The following PEX14 variants were observed in gnomAD, a reference collection of about 807,000 sequenced individuals.
The protein encoded by PEX14 is peroxisomal membrane protein PEX14.
Under a neutral mutation model 49.5 loss-of-function variants are expected in PEX14, and 15 were observed. That is an observed-to-expected ratio of 0.30 (90% CI 0.20 to 0.47). PEX14 has a LOEUF of 0.47. PEX14 is among the 20% of genes least tolerant of loss of function. The pLI, the probability that PEX14 is intolerant of heterozygous loss-of-function variation, is 1.00. For missense variants in PEX14, 398 were observed against 494.8 expected (o/e 0.80, Z 1.86); for synonymous variants, 210 against 212.7 (o/e 0.99, Z 0.11).
Position 10,623,111 on chromosome 1 carries a change from G to A in PEX14, c.477G>A (p.Val159=), listed in dbSNP as rs1641643100. The A allele has an allele frequency of 1.2e-6, 2 of 1,611,398 alleles. No homozygotes were observed. Among genetic ancestry groups the A allele is most frequent in the Non-Finnish European group, 1.7e-6 (2 of 1,178,006 alleles). The change falls in exon 6 of 9, where the codon GTG becomes GTA. Residue 159 remains valine (V), a synonymous_variant. Transcript: ENST00000356607. This position sits in a 1 kb window ranked among gnomAD's most constrained non-coding sequence, Gnocchi z 4.4. ...EAGLSELSGS[V]AQTVTQLQTT... ...GTCTCTCTGAGCTGAGTGGCAGCGT[G>A]GCCCAGACAGGTAAAGATTAATGAC... is the stretch of plus-strand genomic sequence containing the variant.
intron 1 of PEX14, among the ~76,000 whole-genome samples, chr1:10,480,387 C>CTTTTTT (rs34544712): frequency 1.1e-4 from 10 of 87,286 alleles, no homozygotes; most frequent in South Asian, 4.1e-4. Flanking sequence ...GCCTGGCTAA[C>CTTTTTT]TTTTTTTTTT....
intron 3 of PEX14, among the ~76,000 whole-genome samples, chr1:10,552,829 C>T (rs1639374314): frequency 6.6e-6 from 1 of 152,108 alleles, no homozygotes; most frequent in Non-Finnish European, 1.5e-5. Context: ...AAAGGTGCCT[C>T]CATTCATGGA....
chr1:10,618,249 G>A (rs1408407122), intron 4 of PEX14, 83 bp from the exon 5 acceptor site: 1 of 994,598 alleles, frequency 1.0e-6, no homozygotes, highest in East Asian at 2.4e-5. Context: ...AGGAGACTGT[G>A]CCACTGAGGC....
At chr1:10,551,330 CAAATT>C (rs1048222879) in intron 3 of PEX14, among the ~76,000 whole-genome samples, 1 of 152,126 alleles carries the variant, frequency 6.6e-6, no homozygotes, top group African/African-American at 2.4e-5. Flanking sequence ...TAATGTTAAA[CAAATT>C]AAATCGACTT....
intron 1 of PEX14, among the ~76,000 whole-genome samples, chr1:10,482,462 GT>G (rs1248534072): frequency 6.9e-6 from 1 of 144,012 alleles, no homozygotes; most frequent in Non-Finnish European, 1.5e-5. Flanking sequence ...TTGAAATGGA[GT>G]CTCGCTCTGT....
intron 3 of PEX14, among the ~76,000 whole-genome samples, chr1:10,577,578 T>A (rs1324110931): frequency 0.071 from 964 of 13,528 alleles, 90 homozygotes; most frequent in Non-Finnish European, 0.09. Context: ...TTTTTTTTTT[T>A]TTTTTTTTTT....
chr1:10,499,646 A>T (rs1378016639), intron 2 of PEX14, among the ~76,000 whole-genome samples: 1 of 151,774 alleles, frequency 6.6e-6, no homozygotes, highest in Non-Finnish European at 1.5e-5. Context: ...ACAGGGTTTC[A>T]CCATGTTGGC....
At chr1:10,489,044 G>A (rs760013933) in intron 1 of PEX14, among the ~76,000 whole-genome samples, 1 of 152,010 alleles carries the variant, frequency 6.6e-6, no homozygotes, top group Non-Finnish European at 1.5e-5. Flanking sequence ...GCAATGGCGC[G>A]ATCTCGGCTC....
rs79366877 is a variant in PEX14, at chr1:10,610,855, C to T, written c.299-7477C>T. ...CATATCTCTGTCACATGTTTTCCTTCTCACCTTTTTCTCTTCTCCCTTCAT... is the reference window on the plus strand; with the variant it reads ...CATATCTCTGTCACATGTTTTCCTTTTCACCTTTTTCTCTTCTCCCTTCAT... On this transcript the variant is annotated intron_variant, in intron 4 of 8. Transcript: ENST00000356607. 9.4e-3 allele frequency among the ~76,000 whole-genome samples: 1,437 copies of T among 152,246 alleles called. 28 individuals are homozygous for T. Among genetic ancestry groups the T allele is most frequent in the African/African-American group, 0.033 (1,354 of 41,536 alleles).
In PEX14 at chr1:10,601,222, A is replaced by G. The variant is rs539360487; in HGVS notation, c.298+1856A>G. ...GGTTGCAATGAGCTGAGATCATGCCATTGCACTCCAGCTTGGGTGACAAGA... is the reference window on the plus strand; with the variant it reads ...GGTTGCAATGAGCTGAGATCATGCCGTTGCACTCCAGCTTGGGTGACAAGA... On this transcript the variant is annotated intron_variant, in intron 4 of 8. Transcript: ENST00000356607. Among the ~76,000 whole-genome samples the G allele has an allele frequency of 4.1e-5, 6 of 145,272 alleles. No homozygotes were observed. In the South Asian group the frequency reaches 1.3e-3, roughly 31 times the overall value.
rs1029984243 is a variant in PEX14, at chr1:10,597,890, G to T, written c.170-1348G>T. ...TGGTAGGGCATGAAAAGTTTGAGGG[G>T]TGGCTGCAGTCAACTCATATGCCAG... On this transcript the variant is annotated intron_variant, in intron 3 of 8. Transcript: ENST00000356607. This position sits in a 1 kb window ranked among gnomAD's most constrained non-coding sequence, Gnocchi z 5.7. Among the ~76,000 whole-genome samples, 5 of 152,250 alleles carry T rather than the reference G, an allele frequency of 3.3e-5. No individual in the cohort carries two copies. Among genetic ancestry groups the T allele is most frequent in the Admixed American group, 2.0e-4 (3 of 15,290 alleles).
At chr1:10,618,180 T>C (rs1641481865) in intron 4 of PEX14, 152 bp from the exon 5 acceptor site, 1 of 660,856 alleles carries the variant, frequency 1.5e-6, no homozygotes, top group Admixed American at 2.1e-5. Context: ...GCTGCTGTTG[T>C]GATGATCATG....
chr1:10,615,566 C>T (rs1358439253), intron 4 of PEX14, among the ~76,000 whole-genome samples: 1 of 152,198 alleles, frequency 6.6e-6, no homozygotes, highest in Non-Finnish European at 1.5e-5. Context: ...GGTGAATTAT[C>T]GGCCCCATGG....
intron 3 of PEX14, among the ~76,000 whole-genome samples, chr1:10,585,154 T>A (rs1320981967): frequency 1.3e-5 from 2 of 152,212 alleles, no homozygotes; most frequent in Admixed American, 1.3e-4. Context: ...CAGTAATTAC[T>A]GTTGCAGACA....
chr1:10,579,437 A>G (rs1188188268), intron 3 of PEX14, among the ~76,000 whole-genome samples: 1 of 152,176 alleles, frequency 6.6e-6, no homozygotes, highest in Non-Finnish European at 1.5e-5. Context: ...CAAGAAAGAG[A>G]AATCTGTTAG....
rs920780257 is a variant in PEX14, at chr1:10,485,377, A to G, written c.37-9897A>G. ...GCCCAAGCTGGAGTGCAGTGGTGCA[A>G]TCATACATAGCTCACTGTAATCTCC... is the stretch of plus-strand genomic sequence containing the variant. On this transcript the variant is annotated intron_variant, in intron 1 of 8. Transcript: ENST00000356607. Among the ~76,000 whole-genome samples the G allele has an allele frequency of 3.4e-5, 5 of 146,760 alleles. No individual in the cohort carries two copies. In the East Asian group the frequency reaches 7.9e-4, roughly 23 times the overall value.
chr1:10,534,950 G>A (rs1232135653), intron 2 of PEX14, among the ~76,000 whole-genome samples: 1 of 152,122 alleles, frequency 6.6e-6, no homozygotes, highest in African/African-American at 2.4e-5. Flanking sequence ...ATAAAATATG[G>A]GGAAGGAGAT....
chr1:10,528,037 A>G (rs1638541988), intron 2 of PEX14, among the ~76,000 whole-genome samples: 1 of 152,194 alleles, frequency 6.6e-6, no homozygotes, highest in Non-Finnish European at 1.5e-5. Context: ...GATGGTACAC[A>G]TAATTTTTTG....
chr1:10,513,983 C>T (rs61777174), intron 2 of PEX14, among the ~76,000 whole-genome samples: 2 of 152,218 alleles, frequency 1.3e-5, no homozygotes, highest in South Asian at 2.1e-4. Context: ...ATTCCCACAG[C>T]GCGTTTATAT....
Sources: allele counts gnomAD v4.1 joint callset (sites outside exome capture counted in the v4.1 genomes callset), GRCh38; gene constraint gnomAD v4.1.1; non-coding constraint Gnocchi (gnomAD v3.1); transcripts MANE v1.5; gene names NCBI Gene and HGNC (gene_info 2026-07-23, HGNC 2026-07-21).